Variants in TLE1 observed in about 807,000 individuals in gnomAD.
The protein encoded by TLE1 is transducin-like enhancer protein 1.
Under a neutral mutation model 89.8 loss-of-function variants are expected in TLE1, and 21 were observed. The observed-to-expected ratio is 0.23, with a 90% CI of 0.17 to 0.34. The LOEUF is 0.34. Among genes scored for constraint, TLE1 ranks in the 10% least tolerant of loss-of-function variants. The pLI is 1.00. For synonymous variants in TLE1, 447 were observed against 407.6 expected, an observed-to-expected ratio of 1.10 and a Z score of -1.16; for missense variants, 795 against 1,031.2, an observed-to-expected ratio of 0.77 and a Z score of 3.14.
At chr9:81,610,473 C>T (rs187554249) in intron 13 of TLE1, among the ~76,000 whole-genome samples, 177 bp from the exon 14 acceptor site, 138 of 152,258 alleles carry the variant, frequency 9.1e-4, no homozygotes, top group Non-Finnish European at 1.5e-3. Flanking sequence ...CACCCCTGAA[C>T]GCCACAAGAC....
rs1229549206 is a variant in TLE1, at chr9:81,610,328, G to A, written c.1255-32C>T. On this transcript the variant is annotated intron_variant, in intron 13 of 19. Transcript: ENST00000376499. ...ACAAAAATAAGGCATTGCAGACTCAGTTTATTGCAGCAGGCACTTTGTGAA... is the reference window on the plus strand; with the variant it reads ...ACAAAAATAAGGCATTGCAGACTCAATTTATTGCAGCAGGCACTTTGTGAA... 9 of 1,553,492 alleles carry A rather than the reference G, an allele frequency of 5.8e-6. No individual in the cohort carries two copies. In the Admixed American group the frequency reaches 1.5e-4, roughly 26 times the overall value.
At chr9:81,674,533 C>T (rs1042295903) in intron 4 of TLE1, among the ~76,000 whole-genome samples, 1 of 152,198 alleles carries the variant, frequency 6.6e-6, no homozygotes, top group Non-Finnish European at 1.5e-5. Context: ...ATTCCATACA[C>T]ACAAAGTTCA....
chr9:81,639,582 TTTTTTG>T (rs1334434653), intron 6 of TLE1, among the ~76,000 whole-genome samples: 1 of 148,312 alleles, frequency 6.7e-6, no homozygotes, highest in Admixed American at 6.8e-5. Context: ...GTTGTTTTTT[TTTTTTG>T]TTTTTTTTTT....
At chr9:81,639,575 G>GT (rs1185374761) in intron 6 of TLE1, among the ~76,000 whole-genome samples, 1,475 of 117,420 alleles carry the variant, frequency 0.013, 71 homozygotes, top group East Asian at 0.028. Context: ...AGTAAAAGTT[G>GT]TTTTTTTTTT....
intron 14 of TLE1, chr9:81,600,078 T>C: frequency 2.7e-6 from 2 of 740,090 alleles, no homozygotes; most frequent in Non-Finnish European, 5.0e-6. Context: ...AATTACACGT[T>C]TCCAAACTTC....
At chr9:81,671,741 A>C (rs1326384645) in intron 4 of TLE1, among the ~76,000 whole-genome samples, 1 of 152,224 alleles carries the variant, frequency 6.6e-6, no homozygotes. Flanking sequence ...TTTAATTCAT[A>C]AATATCATAG....
chr9:81,653,765 AAATT>A (rs1829837037), intron 5 of TLE1, among the ~76,000 whole-genome samples: 1 of 152,174 alleles, frequency 6.6e-6, no homozygotes, highest in Non-Finnish European at 1.5e-5. Context: ...ACAGGAAAAA[AAATT>A]AATTTGGGGG....
chr9:81,632,424 C>T (rs1826763366), intron 8 of TLE1, among the ~76,000 whole-genome samples: 1 of 151,616 alleles, frequency 6.6e-6, no homozygotes. Context: ...CTTTTATCTT[C>T]CCCCCAAAAC....
At chr9:81,653,697 C>CA (rs1237637605) in intron 5 of TLE1, among the ~76,000 whole-genome samples, 6 of 152,178 alleles carry the variant, frequency 3.9e-5, no homozygotes, top group Non-Finnish European at 5.9e-5. Context: ...CAGTAGCTCT[C>CA]AAGCTTATGC....
rs1828724382 is a variant in TLE1, at chr9:81,587,684, G to A, written c.1974C>T (p.Ser658=). 2.5e-6 allele frequency: 4 copies of A among 1,611,052 alleles called. No homozygotes were observed. The highest frequency in any genetic ancestry group is 3.4e-6 in the Non-Finnish European group (4 of 1,178,286). Residue 658 remains serine, a synonymous_variant, in exon 17 of 20, where the codon TCC becomes TCT. Coordinates refer to ENST00000376499, the MANE Select transcript of TLE1 (RefSeq NM_005077.5). The part of the protein sequence containing the change: ...GRQLQQHDFT[S]QIFSLGYCPT... ...CAGGCGGAAGCCACTCAGTCACCTG[G>A]GAGGTGAAGTCGTGCTGCTGCAGCT...
chr9:81,638,450 C>T (rs1170555272), intron 6 of TLE1, among the ~76,000 whole-genome samples: 8 of 152,154 alleles, frequency 5.3e-5, no homozygotes, highest in Admixed American at 3.3e-4. Flanking sequence ...TCCTCTGTCC[C>T]ATCTGTCTTT....
chr9:81,666,571 T>TCAAGAC (rs1254958034), intron 4 of TLE1, among the ~76,000 whole-genome samples: 2 of 151,770 alleles, frequency 1.3e-5, no homozygotes, highest in Non-Finnish European at 2.9e-5. Context: ...GGTCAGGAGT[T>TCAAGAC]CAAGACCAGC....
intron 6 of TLE1, among the ~76,000 whole-genome samples, chr9:81,648,182 G>C (rs182452545): frequency 2.0e-5 from 3 of 150,168 alleles, no homozygotes; most frequent in Non-Finnish European, 4.4e-5. Context: ...TGAGGCAGGA[G>C]AATCACTGGA....
At chr9:81,585,314 T>C (rs1828242173) in intron 18 of TLE1, among the ~76,000 whole-genome samples, 191 bp downstream of exon 18, 1 of 152,204 alleles carries the variant, frequency 6.6e-6, no homozygotes, top group South Asian at 2.1e-4. Context: ...CCTGCTGACT[T>C]TTCTCAAATT....
At chr9:81,669,146 G>T (rs769970906) in intron 4 of TLE1, among the ~76,000 whole-genome samples, 2 of 152,242 alleles carry the variant, frequency 1.3e-5, no homozygotes, top group African/African-American at 2.4e-5. Context: ...CATTTGGACT[G>T]TGAAACACAG....
At chr9:81,676,968 G>A (rs1832974838) in intron 4 of TLE1, among the ~76,000 whole-genome samples, 1 of 152,222 alleles carries the variant, frequency 6.6e-6, no homozygotes, top group Non-Finnish European at 1.5e-5. Context: ...CGGGCATGGT[G>A]GCTCACGCCT....
intron 6 of TLE1, among the ~76,000 whole-genome samples, chr9:81,641,038 G>A (rs1828043131): frequency 6.6e-6 from 1 of 152,148 alleles, no homozygotes; most frequent in Admixed American, 6.5e-5. Context: ...GATGCTAAGA[G>A]TGACAGTAAG....
chr9:81,584,158 T>G lies in TLE1; in HGVS notation c.*40A>C. ...CTATTTCTATAAATTCGAAACATTT[T>G]GGCCCAATTCAACTATAAACGTTAA... On this transcript the variant is annotated 3_prime_UTR_variant, in exon 20 of 20. Transcript: ENST00000376499. 1 of 1,528,750 alleles carries G rather than the reference T, an allele frequency of 6.5e-7. No homozygotes were observed. The highest frequency in any genetic ancestry group is 9.1e-7 in the Non-Finnish European group (1 of 1,104,124). The allele number at this position is 1,528,750 out of a possible 1,614,324, so 94.7% of individuals were successfully genotyped here. A position where few individuals can be genotyped will look rare whatever the true frequency, so the allele number is the denominator to read the frequency against.
chr9:81,647,800 G>A (rs80285818), intron 6 of TLE1, among the ~76,000 whole-genome samples: 2 of 152,090 alleles, frequency 1.3e-5, no homozygotes, highest in African/African-American at 4.8e-5. Context: ...CTGATCCCAA[G>A]GCCCATGCTT....
Sources: gnomAD v4.1 joint callset for allele counts (sites outside exome capture counted in the v4.1 genomes callset) on GRCh38, gnomAD v4.1.1 for gene constraint, MANE v1.5 for transcripts, NCBI Gene and HGNC (gene_info 2026-07-23, HGNC 2026-07-21) for gene names.